Variants in ZNF385D observed in about 807,000 individuals in gnomAD.
ZNF385D encodes zinc finger protein 659.
Under a neutral mutation model 35.8 loss-of-function variants are expected in ZNF385D, and 15 were observed. The ratio of observed to expected loss-of-function variants is 0.42; its 90% CI spans 0.28 to 0.64. ZNF385D has a LOEUF of 0.64. Among genes scored for constraint, ZNF385D ranks in the 30% least tolerant of loss-of-function variants. The pLI is 0.23. For missense variants in ZNF385D, 474 were observed against 494.6 expected (o/e 0.96, Z 0.39); for synonymous variants, 212 against 186.8 (o/e 1.13, Z -1.10).
chr3:22,367,766 A>T (rs552791691), intron 2 of ZNF385D, among the ~76,000 whole-genome samples: 1 of 152,326 alleles, frequency 6.6e-6, no homozygotes, highest in South Asian at 2.1e-4. Flanking sequence ...CTCTTCTATT[A>T]TACAAATTGC....
chr3:21,781,230 A>G (rs545649003), intron 3 of ZNF385D, among the ~76,000 whole-genome samples: 1 of 152,210 alleles, frequency 6.6e-6, no homozygotes, highest in East Asian at 1.9e-4. Context: ...AAGGGAAAGG[A>G]AAAGAAGGAG....
In ZNF385D at chr3:21,683,689, G is replaced by A. The variant is rs530594788; in HGVS notation, c.23-18661C>T. On this transcript the variant is annotated intron_variant, in intron 1 of 7. Transcript: ENST00000281523. ...TGTTCAAAAGCGAAGAGCATTCTCC[G>A]GCTGGTTGCAGAAGCAACAGAAGGA... 1.0e-3 allele frequency among the ~76,000 whole-genome samples: 156 copies of A among 150,034 alleles called. 8 individuals are homozygous for A. Among genetic ancestry groups the A allele is most frequent in the African/African-American group, 1.5e-3 (61 of 40,776 alleles).
At chr3:21,648,104 A>G (rs1312120570) in intron 2 of ZNF385D, among the ~76,000 whole-genome samples, 1 of 152,156 alleles carries the variant, frequency 6.6e-6, no homozygotes, top group Non-Finnish European at 1.5e-5. Context: ...GTCCCCACCC[A>G]AATGTCATCT....
intron 1 of ZNF385D, among the ~76,000 whole-genome samples, chr3:21,687,807 T>C (rs187482288): frequency 2.0e-5 from 3 of 152,296 alleles, no homozygotes; most frequent in African/African-American, 7.2e-5. Context: ...GTGATGATCA[T>C]GTACAATTTT....
At position 21,425,485 on chromosome 3, in the gene ZNF385D, T is replaced by C; in HGVS notation, c.852+7A>G. 6 of 1,585,280 alleles carry C rather than the reference T, an allele frequency of 3.8e-6. No homozygotes were observed. The highest frequency in any genetic ancestry group is 5.2e-6 in the Non-Finnish European group (6 of 1,163,232). ...TGGTTTTCATTCCTAGAATACGTGCTGTTTACCTGTTTAAGTTGCGTTTCC... is the reference window on the plus strand; with the variant it reads ...TGGTTTTCATTCCTAGAATACGTGCCGTTTACCTGTTTAAGTTGCGTTTCC... On this transcript the variant is annotated splice_region_variant and intron_variant, in intron 6 of 7. Transcript: ENST00000281523.
At chr3:22,271,292 T>C (rs1429812508) in intron 2 of ZNF385D, among the ~76,000 whole-genome samples, 7 of 151,924 alleles carry the variant, frequency 4.6e-5, no homozygotes, top group African/African-American at 7.2e-5. Flanking sequence ...GGCAGAGATA[T>C]AGAAGAAAAA....
At chr3:21,830,685 G>A (rs1224823116) in intron 3 of ZNF385D, among the ~76,000 whole-genome samples, 3 of 151,284 alleles carry the variant, frequency 2.0e-5, no homozygotes, top group Non-Finnish European at 2.9e-5. Flanking sequence ...TGCGGAATGT[G>A]CCTGTCAAAT....
chr3:22,200,111 C>A (rs1163352700), intron 2 of ZNF385D, among the ~76,000 whole-genome samples: 2 of 152,000 alleles, frequency 1.3e-5, no homozygotes, highest in Non-Finnish European at 2.9e-5. Flanking sequence ...AGAATCCTTG[C>A]CCTAACCATT....
Position 21,637,414 on chromosome 3 carries a change from G to A in ZNF385D, c.165+27472C>T, listed in dbSNP as rs572111922. ...TTGTCAAAGATTAGTTGGCTGTTAAGTTTGTTAATTTCTGTTTATTTCTGG... is the reference window on the plus strand; with the variant it reads ...TTGTCAAAGATTAGTTGGCTGTTAAATTTGTTAATTTCTGTTTATTTCTGG... On this transcript the variant is annotated intron_variant, in intron 2 of 7. Transcript: ENST00000281523. Among the ~76,000 whole-genome samples the A allele has an allele frequency of 3.9e-5, 6 of 152,028 alleles. No homozygotes were observed. The East Asian group carries it at 1.2e-3, about 30-fold the overall frequency.
intron 4 of ZNF385D, among the ~76,000 whole-genome samples, chr3:21,453,261 G>A (rs1381737954): frequency 3.3e-5 from 5 of 151,570 alleles, no homozygotes; most frequent in Non-Finnish European, 5.9e-5. Flanking sequence ...AAACTATAAC[G>A]CTCTTAGAAA....
intron 3 of ZNF385D, among the ~76,000 whole-genome samples, chr3:21,514,179 C>G (rs1034508206): frequency 6.6e-6 from 1 of 151,984 alleles, no homozygotes; most frequent in Admixed American, 6.6e-5. Flanking sequence ...GAGATTGTGT[C>G]TTATTATTTA....
intron 3 of ZNF385D, among the ~76,000 whole-genome samples, chr3:21,966,012 ATG>A (rs1702893290): frequency 6.6e-6 from 1 of 152,206 alleles, no homozygotes; most frequent in South Asian, 2.1e-4. Flanking sequence ...CTTTGAGGGA[ATG>A]TAGAAAAGTT....
chr3:22,222,016 G>T (rs536977716), intron 2 of ZNF385D, among the ~76,000 whole-genome samples: 2 of 151,328 alleles, frequency 1.3e-5, no homozygotes, highest in African/African-American at 4.9e-5. Flanking sequence ...TCATTCCATC[G>T]TCCAGGCTGG....
intron 2 of ZNF385D, among the ~76,000 whole-genome samples, chr3:21,653,860 C>T (rs1312522333): frequency 1.3e-5 from 2 of 151,888 alleles, no homozygotes; most frequent in Non-Finnish European, 2.9e-5. Flanking sequence ...TGGCAGAAAA[C>T]GCTGGTTATC....
chr3:22,015,727 A>C (rs1032307039), intron 3 of ZNF385D, among the ~76,000 whole-genome samples: 1 of 152,196 alleles, frequency 6.6e-6, no homozygotes, highest in African/African-American at 2.4e-5. Flanking sequence ...TTACTACCAT[A>C]GTATGTTCTT....
intron 3 of ZNF385D, among the ~76,000 whole-genome samples, chr3:22,080,865 G>A (rs1034795398): frequency 6.6e-6 from 1 of 152,044 alleles, no homozygotes; most frequent in African/African-American, 2.4e-5. Context: ...CAGTAAGAAG[G>A]CACCATCTAT....
intron 4 of ZNF385D, among the ~76,000 whole-genome samples, chr3:21,499,036 T>G (rs1706157570): frequency 6.6e-6 from 1 of 150,730 alleles, no homozygotes; most frequent in South Asian, 2.1e-4. Flanking sequence ...GGTGGGAGTG[T>G]AAACTAGTTC....
At chr3:22,241,229 G>C (rs141559118) in intron 2 of ZNF385D, among the ~76,000 whole-genome samples, 2 of 151,136 alleles carry the variant, frequency 1.3e-5, no homozygotes, top group Non-Finnish European at 2.9e-5. Context: ...GAAAAACCAA[G>C]CACAACACTG....
intron 3 of ZNF385D, among the ~76,000 whole-genome samples, chr3:21,524,374 T>C (rs980958784): frequency 1.3e-5 from 2 of 152,174 alleles, no homozygotes; most frequent in Non-Finnish European, 2.9e-5. Context: ...GCTGCAACAT[T>C]TGAATGAGTG....
Sources: allele counts gnomAD v4.1 joint callset (sites outside exome capture counted in the v4.1 genomes callset), GRCh38; gene constraint gnomAD v4.1.1; transcripts MANE v1.5; gene names NCBI Gene and HGNC (gene_info 2026-07-23, HGNC 2026-07-21).